Variants in RBFOX1 observed in about 807,000 individuals in gnomAD.
RBFOX1 encodes RNA binding fox-1 homolog 1.
RBFOX1 carries 8 observed loss-of-function variants against 57.7 expected under a neutral mutation model. The ratio of observed to expected loss-of-function variants is 0.14; its 90% confidence interval spans 0.08 to 0.25. The LOEUF (loss-of-function observed/expected upper bound fraction) is 0.25. Among genes scored for constraint, RBFOX1 ranks in the 10% least tolerant of loss-of-function variants. The pLI is 1.00. For synonymous variants in RBFOX1, 326 were observed against 222.4 expected, an observed-to-expected ratio of 1.47 and a Z score of -4.15; for missense variants, 611 against 548.5, an observed-to-expected ratio of 1.11 and a Z score of -1.14.
chr16:6,655,122 C>G (rs1041064330), intron 3 of RBFOX1, among the ~76,000 whole-genome samples: 1 of 151,468 alleles, frequency 6.6e-6, no homozygotes, highest in Non-Finnish European at 1.5e-5. Context: ...GCCTATAATC[C>G]CAACACTTTG....
intron 11 of RBFOX1, among the ~76,000 whole-genome samples, chr16:7,648,696 A>G (rs2064274788): frequency 6.6e-6 from 1 of 152,156 alleles, no homozygotes; most frequent in Admixed American, 6.5e-5. Context: ...GCTATATGGA[A>G]GGGTGAGATG....
intron 4 of RBFOX1, among the ~76,000 whole-genome samples, chr16:7,449,001 C>T (rs2098830742): frequency 8.2e-6 from 1 of 122,550 alleles, no homozygotes; most frequent in African/African-American, 3.1e-5. Context: ...GCGATATCGG[C>T]TCACCACAAC....
chr16:7,552,785 A>C (rs2086966103), intron 5 of RBFOX1, among the ~76,000 whole-genome samples: 1 of 152,014 alleles, frequency 6.6e-6, no homozygotes, highest in Non-Finnish European at 1.5e-5. Context: ...CAGGCTCAAG[A>C]GATTCTCCTG....
chr16:6,850,972 C>T (rs1029733759), intron 3 of RBFOX1, among the ~76,000 whole-genome samples: 3 of 152,100 alleles, frequency 2.0e-5, no homozygotes, highest in Non-Finnish European at 4.4e-5. Flanking sequence ...CTGTAAATAG[C>T]CCGTATGTTT....
Position 6,308,521 on chromosome 16 carries a change from C to A in RBFOX1, c.-126-8474C>A, listed in dbSNP as rs376316111. On this transcript the variant is annotated intron_variant, in intron 1 of 15. Transcript: ENST00000550418. ...TGGTGGACCCTAGTTTGCTGAGTGA[C>A]AGGGTTGCCTGCACTTGAACATCCT... Among the ~76,000 whole-genome samples the A allele has an allele frequency of 1.6e-3, 250 of 152,338 alleles. 1 individual carries two copies. The highest frequency in any genetic ancestry group is 5.8e-3 in the African/African-American group (240 of 41,572).
intron 3 of RBFOX1, among the ~76,000 whole-genome samples, chr16:6,896,776 A>G (rs2067024538): frequency 3.3e-5 from 5 of 152,202 alleles, no homozygotes; most frequent in Admixed American, 3.3e-4. Flanking sequence ...AGACCCACAA[A>G]TGTACATGAG....
intron 3 of RBFOX1, among the ~76,000 whole-genome samples, chr16:5,668,813 T>A (rs1006025190): frequency 6.6e-6 from 1 of 152,140 alleles, no homozygotes; most frequent in Non-Finnish European, 1.5e-5. Context: ...TCGTAGCTGG[T>A]CTGAAGTTGC....
At chr16:5,602,416 G>A (rs77451804), downstream of RBFOX1, among the ~76,000 whole-genome samples, 5,791 of 152,300 alleles carry the variant, frequency 0.038, 258 homozygotes, top group African/African-American at 0.11. Flanking sequence ...ATATCCCTCA[G>A]TAAGGGATAG....
intron 1 of RBFOX1, among the ~76,000 whole-genome samples, chr16:6,289,723 C>T (rs2077268347): frequency 6.6e-6 from 1 of 152,146 alleles, no homozygotes; most frequent in Non-Finnish European, 1.5e-5. Context: ...AGGATGGTTG[C>T]ATCCTGGGGG....
chr16:7,078,363 A>T (rs1399102893), intron 4 of RBFOX1, among the ~76,000 whole-genome samples: 1 of 152,090 alleles, frequency 6.6e-6, no homozygotes, highest in Non-Finnish European at 1.5e-5. Context: ...TTATTTATTT[A>T]TTTAGATGGA....
chr16:7,394,376 C>G (rs1461107686), intron 4 of RBFOX1, among the ~76,000 whole-genome samples: 2 of 151,684 alleles, frequency 1.3e-5, no homozygotes, highest in African/African-American at 2.4e-5. Context: ...CCAATTTTAC[C>G]CAGTCCCTTC....
intron 4 of RBFOX1, among the ~76,000 whole-genome samples, chr16:5,918,660 C>G (rs1051446110): frequency 6.6e-6 from 1 of 152,172 alleles, no homozygotes; most frequent in African/African-American, 2.4e-5. Flanking sequence ...TTCCTTATCT[C>G]CAGGAAAATG....
chr16:6,253,364 C>T (rs76148225), intron 1 of RBFOX1, among the ~76,000 whole-genome samples: 3,025 of 152,222 alleles, frequency 0.02, 115 homozygotes, highest in African/African-American at 0.069. Context: ...CTGTGGGCTA[C>T]GCAACTTGCA....
intron 2 of RBFOX1, among the ~76,000 whole-genome samples, chr16:6,342,483 T>G (rs2084714275): frequency 6.6e-6 from 1 of 152,110 alleles, no homozygotes; most frequent in South Asian, 2.1e-4. Flanking sequence ...GAAACAACCT[T>G]GATAAGGTTC....
At position 6,935,607 on chromosome 16, in the gene RBFOX1, C is replaced by T. The variant is rs76577996; in HGVS notation, c.-15-116450C>T. ...AAATCTGTGACCTATCCCCATTGTG[C>T]ATGTACACACAAGCACACGCTCCCC... On this transcript the variant is annotated intron_variant, in intron 3 of 15. Coordinates refer to ENST00000550418, the MANE Select transcript of RBFOX1 (RefSeq NM_018723.4). Among the ~76,000 whole-genome samples, 200 of 152,314 alleles carry T rather than the reference C, an allele frequency of 1.3e-3. No individual in the cohort carries two copies. In the East Asian group the frequency reaches 0.035, roughly 26 times the overall value.
intron 4 of RBFOX1, among the ~76,000 whole-genome samples, chr16:7,210,225 G>C (rs1451469686): frequency 2.6e-5 from 4 of 152,200 alleles, no homozygotes; most frequent in African/African-American, 4.8e-5. Context: ...TATAGGTTAA[G>C]AGATTTATTG....
chr16:7,288,353 C>G (rs773367905), intron 4 of RBFOX1, among the ~76,000 whole-genome samples: 1 of 152,178 alleles, frequency 6.6e-6, no homozygotes, highest in East Asian at 1.9e-4. Flanking sequence ...AAATCACACT[C>G]ATCTGAGTTA....
chr16:7,183,091 A>G (rs555751518), intron 4 of RBFOX1, among the ~76,000 whole-genome samples: 149 of 152,186 alleles, frequency 9.8e-4, no homozygotes, highest in African/African-American at 3.2e-3. Flanking sequence ...CTAACTGCCA[A>G]TTTCCTAGGA....
intron 1 of RBFOX1, among the ~76,000 whole-genome samples, chr16:6,135,735 AGT>A (rs935176716): frequency 7.3e-5 from 11 of 151,122 alleles, no homozygotes; most frequent in African/African-American, 2.7e-4. Flanking sequence ...AAAAATCTCA[AGT>A]GTGGCTGAAG....
Sources: allele counts gnomAD v4.1 joint callset (sites outside exome capture counted in the v4.1 genomes callset), GRCh38; gene constraint gnomAD v4.1.1; transcripts MANE v1.5; gene names NCBI Gene and HGNC (gene_info 2026-07-23, HGNC 2026-07-21).